SGCZ: variants seen among roughly 807,000 people sequenced by gnomAD.
SGCZ encodes zeta-sarcoglycan.
SGCZ carries 40 observed loss-of-function variants against 41.3 expected under a neutral mutation model. The observed-to-expected ratio is 0.97, with a 90% CI of 0.75 to 1.26. The LOEUF (loss-of-function observed/expected upper bound fraction) is 1.26, where lower values mean the gene tolerates loss of function less well. Among genes scored for constraint, SGCZ ranks in the 50% most tolerant of loss-of-function variants. The pLI, the probability that SGCZ is intolerant of heterozygous loss-of-function variation, is 0.00. For synonymous variants in SGCZ, 206 were observed against 137.5 expected (o/e 1.50, Z -3.49); for missense variants, 552 against 369.8 (o/e 1.49, Z -4.04).
chr8:14,810,755 G>A (rs1214205232), intron 1 of SGCZ, among the ~76,000 whole-genome samples: 1 of 151,936 alleles, frequency 6.6e-6, no homozygotes, highest in Admixed American at 6.6e-5. Flanking sequence ...TTTCACAACA[G>A]AAATTGGTAA....
chr8:15,152,810 C>T (rs561242533), intron 1 of SGCZ, among the ~76,000 whole-genome samples: 1 of 152,188 alleles, frequency 6.6e-6, no homozygotes, highest in African/African-American at 2.4e-5. Flanking sequence ...ATACCTACAC[C>T]CTCCTAAGTA....
intron 1 of SGCZ, among the ~76,000 whole-genome samples, chr8:15,224,974 A>C (rs1801722579): frequency 6.6e-6 from 1 of 152,216 alleles, no homozygotes; most frequent in Admixed American, 6.5e-5. Context: ...AAAGCTACAA[A>C]AAGAAATAAA....
intron 1 of SGCZ, among the ~76,000 whole-genome samples, chr8:14,823,646 T>C (rs976232209): frequency 2.0e-5 from 3 of 152,146 alleles, no homozygotes; most frequent in African/African-American, 4.8e-5. Context: ...AACTAGTACA[T>C]GCATTATGGA....
At chr8:14,826,118 G>A (rs1439357131) in intron 1 of SGCZ, among the ~76,000 whole-genome samples, 3 of 124,086 alleles carry the variant, frequency 2.4e-5, no homozygotes, top group Non-Finnish European at 4.7e-5. Flanking sequence ...AAAGTGTGAT[G>A]CTCCCCTTCC....
chr8:14,825,479 T>C (rs1585294927), intron 1 of SGCZ, among the ~76,000 whole-genome samples: 1 of 152,224 alleles, frequency 6.6e-6, no homozygotes, highest in African/African-American at 2.4e-5. Flanking sequence ...GTTTATGGCA[T>C]TATTTAATAA....
rs960245245 is a variant in SGCZ, at chr8:15,159,449, C to T, written c.39+78136G>A. 1.3e-4 allele frequency among the ~76,000 whole-genome samples: 20 copies of T among 152,258 alleles called. No individual in the cohort carries two copies. The South Asian group carries it at 3.1e-3, about 24-fold the overall frequency. The stretch of plus-strand genomic sequence containing the variant: ...TCATCAGAAGTTCCTGAGGCTTGGG[C>T]TTGTGACTGGCATCCAAAGCTGGGG... On this transcript the variant is annotated intron_variant, in intron 1 of 7. Transcript: ENST00000382080.
At chr8:14,717,670 T>G (rs7844654) in intron 1 of SGCZ, among the ~76,000 whole-genome samples, 4,272 of 152,180 alleles carry the variant, frequency 0.028, 144 homozygotes, top group African/African-American at 0.081. Flanking sequence ...ACATTCTTAA[T>G]AATTTTTGAA....
At chr8:15,165,957 T>A (rs902695447) in intron 1 of SGCZ, among the ~76,000 whole-genome samples, 1 of 152,226 alleles carries the variant, frequency 6.6e-6, no homozygotes, top group Non-Finnish European at 1.5e-5. Flanking sequence ...TTTTAAAGGG[T>A]TGTAAAAGGA....
chr8:14,898,932 A>T (rs1422701762), intron 1 of SGCZ, among the ~76,000 whole-genome samples: 1 of 152,246 alleles, frequency 6.6e-6, no homozygotes, highest in African/African-American at 2.4e-5. Context: ...CAGAATTTTC[A>T]AAATCAACAA....
chr8:15,097,817 T>TGTATATATATATAC (rs1806414969), intron 1 of SGCZ, among the ~76,000 whole-genome samples: 5 of 29,894 alleles, frequency 1.7e-4, no homozygotes, highest in South Asian at 8.3e-4. Context: ...TATATATACG[T>TGTATATATATATAC]GTGTGTATAT....
intron 1 of SGCZ, among the ~76,000 whole-genome samples, chr8:14,600,583 A>G (rs990877778): frequency 3.9e-5 from 6 of 152,178 alleles, no homozygotes; most frequent in Non-Finnish European, 5.9e-5. Flanking sequence ...TCTCCACAGG[A>G]GGATGCAGGT....
intron 1 of SGCZ, among the ~76,000 whole-genome samples, chr8:14,882,698 C>T (rs75476587): frequency 0.049 from 7,531 of 152,210 alleles, 218 homozygotes; most frequent in Non-Finnish European, 0.061. Context: ...GACAGCTCTG[C>T]TGCTAATAGC....
intron 1 of SGCZ, among the ~76,000 whole-genome samples, chr8:14,589,410 A>C (rs541758604): frequency 6.6e-6 from 1 of 152,208 alleles, no homozygotes; most frequent in Admixed American, 6.6e-5. Flanking sequence ...ATTTCCTAAT[A>C]ATACCAACCA....
chr8:15,115,336 G>A (rs2116938029), intron 1 of SGCZ, among the ~76,000 whole-genome samples: 1 of 152,254 alleles, frequency 6.6e-6, no homozygotes, highest in Non-Finnish European at 1.5e-5. Flanking sequence ...AAGTAGTAAT[G>A]AAACCCCACC....
At chr8:14,130,110 G>A (rs1399330918) in intron 5 of SGCZ, among the ~76,000 whole-genome samples, 2 of 152,082 alleles carry the variant, frequency 1.3e-5, no homozygotes, top group African/African-American at 2.4e-5. Flanking sequence ...AAATCAGTGT[G>A]GAACTAGTAT....
Position 14,086,008 on chromosome 8 carries a change from ATTAT to A in SGCZ, c.*4431_*4434del, listed in dbSNP as rs1801512822. 1.3e-5 allele frequency among the ~76,000 whole-genome samples: 2 copies of A among 151,744 alleles called. No homozygotes were observed. Among genetic ancestry groups the A allele is most frequent in the South Asian group, 4.1e-4 (2 of 4,832 alleles). On this transcript the variant is annotated 3_prime_UTR_variant, in exon 8 of 8. Transcript: ENST00000382080. ...CAATTAAATTATTGATTAGTTTATG[ATTAT>A]TTAAAATGAATACAAATGCAAATTT...
chr8:14,183,901 G>C (rs890836029), intron 4 of SGCZ, among the ~76,000 whole-genome samples: 2 of 152,050 alleles, frequency 1.3e-5, no homozygotes, highest in Non-Finnish European at 2.9e-5. Flanking sequence ...ATTACTCACA[G>C]ATGAAATGAC....
chr8:14,311,657 T>A (rs1173463878), intron 3 of SGCZ, among the ~76,000 whole-genome samples: 2 of 152,196 alleles, frequency 1.3e-5, no homozygotes, highest in Non-Finnish European at 2.9e-5. Context: ...TCAGGAATAA[T>A]GAGGTCAGCT....
At chr8:14,459,644 T>C (rs956363311) in intron 2 of SGCZ, among the ~76,000 whole-genome samples, 4 of 151,990 alleles carry the variant, frequency 2.6e-5, no homozygotes, top group Admixed American at 6.6e-5. Flanking sequence ...AACTTTATAG[T>C]AGAGAAATGT....
Sources: gnomAD v4.1 joint callset for allele counts (sites outside exome capture counted in the v4.1 genomes callset) on GRCh38, gnomAD v4.1.1 for gene constraint, MANE v1.5 for transcripts, NCBI Gene and HGNC (gene_info 2026-07-23, HGNC 2026-07-21) for gene names.